The following DENND1A variants were observed in gnomAD, a reference collection of about 807,000 sequenced individuals.
The protein encoded by DENND1A is DENN domain containing 1A.
In DENND1A, 51 loss-of-function variants were observed where a neutral mutation model predicts 113.7. The observed-to-expected ratio is 0.45, with a 90% CI of 0.36 to 0.57. The LOEUF (loss-of-function observed/expected upper bound fraction) is 0.57. DENND1A is among the 20% of genes least tolerant of loss of function. The pLI is 0.00. For missense variants in DENND1A, 1,258 were observed against 1,395.9 expected (o/e 0.90, Z 1.57); for synonymous variants, 565 against 570.8 (o/e 0.99, Z 0.14).
chr9:123,655,195 A>G (rs2139513414), intron 8 of DENND1A, among the ~76,000 whole-genome samples: 1 of 152,224 alleles, frequency 6.6e-6, no homozygotes, highest in Non-Finnish European at 1.5e-5. Flanking sequence ...GTATGCTTCC[A>G]TTGTCCCCAT....
intron 13 of DENND1A, among the ~76,000 whole-genome samples, chr9:123,546,143 C>T (rs576946208): frequency 6.6e-6 from 1 of 152,284 alleles, no homozygotes; most frequent in South Asian, 2.1e-4. Context: ...TGGTTAGCCA[C>T]CATGCAGCTG....
intron 20 of DENND1A, among the ~76,000 whole-genome samples, chr9:123,410,125 T>A (rs2044191381): frequency 6.6e-6 from 1 of 152,144 alleles, no homozygotes; most frequent in African/African-American, 2.4e-5. Context: ...AAACTCTTAC[T>A]GTGTGTGTTC....
intron 9 of DENND1A, among the ~76,000 whole-genome samples, chr9:123,647,780 C>A (rs1166258462): frequency 3.3e-5 from 5 of 152,148 alleles, no homozygotes; most frequent in Middle Eastern, 3.2e-3. Context: ...TGTGACTACA[C>A]CACGGCCTAT....
At chr9:123,851,562 A>T (rs748129710) in intron 2 of DENND1A, among the ~76,000 whole-genome samples, 1 of 152,248 alleles carries the variant, frequency 6.6e-6, no homozygotes, top group Non-Finnish European at 1.5e-5. Context: ...CTAAGGTGGC[A>T]CCATCATAGA....
At position 123,403,501 on chromosome 9, in the gene DENND1A, T is replaced by TA; in HGVS notation, c.1543-12dup. The TA allele has an allele frequency of 6.2e-7, 1 of 1,612,652 alleles. No homozygotes were observed. The highest frequency in any genetic ancestry group is 1.1e-5 in the South Asian group (1 of 90,900). ...ACGAGGTGGGCGCACCTAGAGGAGG[T>TA]ACAGGGGGAGAGCCCCAAGAAGGAG... On this transcript the variant is annotated splice_polypyrimidine_tract_variant and intron_variant, in intron 20 of 23. Coordinates refer to ENST00000394215, the MANE Select transcript of DENND1A (RefSeq NM_001352964.2).
chr9:123,636,563 C>T (rs1288257066), intron 9 of DENND1A, among the ~76,000 whole-genome samples: 2 of 152,108 alleles, frequency 1.3e-5, no homozygotes, highest in African/African-American at 2.4e-5. Flanking sequence ...GTGATCCGCC[C>T]TCCTCGGCCT....
At chr9:123,555,779 A>G (rs750159810) in intron 13 of DENND1A, among the ~76,000 whole-genome samples, 10 of 152,218 alleles carry the variant, frequency 6.6e-5, no homozygotes, top group Non-Finnish European at 1.0e-4. Context: ...GTGCAAGTAC[A>G]ACGATAAACT....
chr9:123,770,947 C>G (rs919412318), intron 3 of DENND1A, among the ~76,000 whole-genome samples: 3 of 152,146 alleles, frequency 2.0e-5, no homozygotes, highest in Non-Finnish European at 4.4e-5. Flanking sequence ...CTTGCTCTGC[C>G]AGAGCATGTT....
chr9:123,889,414 A>C (rs1260301764), intron 1 of DENND1A, among the ~76,000 whole-genome samples: 9 of 152,236 alleles, frequency 5.9e-5, no homozygotes. Flanking sequence ...GCTTCACCTT[A>C]CCAATAATAG....
intron 12 of DENND1A, among the ~76,000 whole-genome samples, chr9:123,580,164 G>C (rs1392738522): frequency 1.3e-5 from 2 of 152,308 alleles, no homozygotes; most frequent in East Asian, 3.9e-4. Context: ...ATAATCCTCA[G>C]AGCAAGCCTG....
At chr9:123,574,290 G>C (rs1487557684) in intron 12 of DENND1A, among the ~76,000 whole-genome samples, 1 of 149,570 alleles carries the variant, frequency 6.7e-6, no homozygotes, top group Non-Finnish European at 1.5e-5. Context: ...TGAAAAAGTT[G>C]GTGATAAGAT....
chr9:123,619,587 T>C (rs1331436649), intron 10 of DENND1A, among the ~76,000 whole-genome samples: 5 of 152,136 alleles, frequency 3.3e-5, no homozygotes, highest in African/African-American at 1.2e-4. Flanking sequence ...ACCTGGCTAA[T>C]TTTTGTATTT....
chr9:123,684,699 A>G lies in DENND1A; in HGVS notation c.303-7910T>C, dbSNP rs538317064. On this transcript the variant is annotated intron_variant, in intron 5 of 23. Transcript: ENST00000394215. The stretch of plus-strand genomic sequence containing the variant: ...TAAAACTGAGACGTTTCCAGTCCAA[A>G]CATCACACATTTCTAGATGATTCAT... Among the ~76,000 whole-genome samples, 34 of 152,354 alleles carry G rather than the reference A, an allele frequency of 2.2e-4. 1 individual carries two copies. The highest frequency in any genetic ancestry group is 3.4e-3 in the Middle Eastern group (1 of 292).
intron 19 of DENND1A, among the ~76,000 whole-genome samples, chr9:123,436,169 C>A (rs943949725): frequency 1.1e-4 from 16 of 152,200 alleles, no homozygotes; most frequent in African/African-American, 3.6e-4. Flanking sequence ...GGCCAGGCAC[C>A]CTCTTGTTCA....
At position 123,440,468 on chromosome 9, in the gene DENND1A, G is replaced by T. The variant is rs1405607960; in HGVS notation, c.1380C>A (p.Ala460=). Residue 460 remains alanine, a synonymous_variant, in exon 19 of 24, where the codon GCC becomes GCA. Coordinates refer to ENST00000394215, the MANE Select transcript of DENND1A (RefSeq NM_001352964.2). The stretch of plus-strand genomic sequence containing the variant: ...TTGGCAGCTGCTCTTCTGGGGTGGG[G>T]GCGCAGCCATTCTCGGCAATGTCCT... ...KQKDIAENGC[A]PTPEEQLPKT... 5 of 1,570,706 alleles carry T rather than the reference G, an allele frequency of 3.2e-6. No homozygotes were observed. Among genetic ancestry groups the T allele is most frequent in the African/African-American group, 1.4e-5 (1 of 70,958 alleles).
At chr9:123,618,897 C>T (rs902632794) in intron 10 of DENND1A, among the ~76,000 whole-genome samples, 1 of 152,200 alleles carries the variant, frequency 6.6e-6, no homozygotes, top group African/African-American at 2.4e-5. Flanking sequence ...TTTTATAGAC[C>T]TTTCGCTTTT....
intron 15 of DENND1A, among the ~76,000 whole-genome samples, chr9:123,455,340 G>A (rs1017560888): frequency 2.6e-5 from 4 of 152,168 alleles, no homozygotes; most frequent in Non-Finnish European, 5.9e-5. Flanking sequence ...CGCGCCTCAC[G>A]GCCTCTCCAT....
intron 9 of DENND1A, among the ~76,000 whole-genome samples, chr9:123,632,076 A>T (rs779519515): frequency 6.6e-6 from 1 of 152,144 alleles, no homozygotes; most frequent in South Asian, 2.1e-4. Context: ...TGACGTGCCA[A>T]GGCCCAGTTA....
chr9:123,456,038 G>A (rs2048094588), intron 15 of DENND1A, among the ~76,000 whole-genome samples: 2 of 152,190 alleles, frequency 1.3e-5, no homozygotes, highest in East Asian at 3.8e-4. Flanking sequence ...ACTCTATGGG[G>A]CTCTGGACCT....
Sources: gnomAD v4.1 joint callset for allele counts (sites outside exome capture counted in the v4.1 genomes callset) on GRCh38, gnomAD v4.1.1 for gene constraint, MANE v1.5 for transcripts, NCBI Gene and HGNC (gene_info 2026-07-23, HGNC 2026-07-21) for gene names.